Variants in PGR observed in about 807,000 individuals in gnomAD.
PGR encodes the protein progesterone receptor, also known as nuclear receptor subfamily 3 group C member 3.
A neutral mutation model predicts 76.1 loss-of-function variants in PGR; 25 were observed. The ratio of observed to expected loss-of-function variants is 0.33; its 90% confidence interval spans 0.24 to 0.46. The LOEUF is 0.46. Among genes scored for constraint, PGR ranks in the 20% least tolerant of loss-of-function variants. PGR has a pLI of 1.00. For missense variants in PGR, 1,172 were observed against 1,225.3 expected (o/e 0.96, Z 0.65); for synonymous variants, 579 against 535.0 (o/e 1.08, Z -1.14).
chr11:101,048,410 C>T (rs1191867453), intron 6 of PGR, among the ~76,000 whole-genome samples: 1 of 152,008 alleles, frequency 6.6e-6, no homozygotes, highest in Non-Finnish European at 1.5e-5. Context: ...TATGTGATTT[C>T]ATCACTGTGT....
chr11:101,041,422 C>T (rs1859690048), intron 7 of PGR, among the ~76,000 whole-genome samples: 1 of 151,918 alleles, frequency 6.6e-6, no homozygotes, highest in South Asian at 2.1e-4. Flanking sequence ...TTTCTTTTTT[C>T]CCCCTCTGCT....
chr11:101,093,902 G>A (rs1399306167), intron 2 of PGR, among the ~76,000 whole-genome samples: 3 of 152,206 alleles, frequency 2.0e-5, no homozygotes, highest in African/African-American at 7.2e-5. Context: ...CTGGCATGCT[G>A]CTGATCTGTC....
Position 101,030,282 on chromosome 11 carries a change from A to G in PGR, c.*8834T>C, listed in dbSNP as rs1859308649. 1 of 224,602 alleles carries G rather than the reference A, an allele frequency of 4.5e-6. No individual in the cohort carries two copies. Among genetic ancestry groups the G allele is most frequent in the East Asian group, 6.5e-5 (1 of 15,368 alleles). 13.9% of individuals were successfully genotyped at this position (224,602 alleles called of 1,614,324 possible). Reference sequence around the variant, plus strand: ...AACTTTGAAGATTGCATCAACTTCAACACAAAAAAATGTGAATATCTACCA... The same window carrying G: ...AACTTTGAAGATTGCATCAACTTCAGCACAAAAAAATGTGAATATCTACCA... On this transcript the variant is annotated 3_prime_UTR_variant, in exon 8 of 8. Transcript: ENST00000325455.
At chr11:101,056,267 G>T (rs917470192) in intron 4 of PGR, among the ~76,000 whole-genome samples, 1 of 151,594 alleles carries the variant, frequency 6.6e-6, no homozygotes, top group African/African-American at 2.4e-5. Context: ...TAAGTGACTT[G>T]ACCTGATAAT....
In PGR at chr11:101,030,268, T is replaced by C. The variant is rs376456462; in HGVS notation, c.*8848A>G. ...GCAACGGGGTAGATAACTTTGAAGA[T>C]TGCATCAACTTCAACACAAAAAAAT... On this transcript the variant is annotated 3_prime_UTR_variant, in exon 8 of 8. Transcript: ENST00000325455. The C allele has an allele frequency of 1.8e-3, 395 of 223,794 alleles. 1 individual carries two copies. Among genetic ancestry groups the C allele is most frequent in the African/African-American group, 8.0e-3 (361 of 44,920 alleles). The allele number at this position is 223,794 out of a possible 1,614,324, so 13.9% of individuals were successfully genotyped here.
intron 4 of PGR, among the ~76,000 whole-genome samples, chr11:101,055,441 A>G (rs1480049577): frequency 6.8e-5 from 9 of 132,720 alleles, no homozygotes; most frequent in African/African-American, 1.6e-4. Context: ...AAAAAAAAAA[A>G]AAGGCTCATA....
At chr11:101,122,723 CT>C (rs1862717665) in intron 2 of PGR, among the ~76,000 whole-genome samples, 1 of 152,104 alleles carries the variant, frequency 6.6e-6, no homozygotes, top group South Asian at 2.1e-4. Context: ...TTCTTTATCT[CT>C]TCTCTCTTCT....
intron 2 of PGR, among the ~76,000 whole-genome samples, chr11:101,113,747 A>C (rs1437183217): frequency 2.0e-5 from 3 of 152,216 alleles, no homozygotes; most frequent in Non-Finnish European, 2.9e-5. Flanking sequence ...GTTTGCTATC[A>C]GGCACTACCA....
chr11:101,127,761 G>C lies in PGR; in HGVS notation c.1310C>G (p.Ala437Gly), dbSNP rs1862912873. 6.4e-7 allele frequency: 1 copy of C among 1,560,016 alleles called. No homozygotes were observed. Among genetic ancestry groups the C allele is most frequent in the Non-Finnish European group, 8.6e-7 (1 of 1,161,380 alleles). Residue 437 changes from alanine to glycine, a missense_variant, in exon 1 of 8, where the codon GCG becomes GGG. Physicochemically the swap from Ala to Gly is moderately conservative, Grantham distance 60. This residue lies in a region of PGR where 893 missense variants were observed against 785.9 expected (regional missense o/e 1.14). Coordinates refer to ENST00000325455, the MANE Select transcript of PGR (RefSeq NM_000926.4). ...ACTGGCGGGTGCGGCCGTCACCGCC[G>C]CTTCCCCGGGTCTGGATGGGGTCGC... ...PRATPSRPGE[A>G]AVTAAPASAS...
Position 101,037,164 on chromosome 11 carries a change from T to C in PGR, c.*1952A>G, listed in dbSNP as rs913383071. 3 of 206,932 alleles carry C rather than the reference T, an allele frequency of 1.4e-5. No homozygotes were observed. Among genetic ancestry groups the C allele is most frequent in the Non-Finnish European group, 3.0e-5 (3 of 101,350 alleles). The allele number at this position is 206,932 out of a possible 1,614,324, so 12.8% of individuals were successfully genotyped here. ...TTCAATAAGATTTAATGCAAATGAATTACTGACACATAAAGGTGTTATTTA... is the reference window on the plus strand; with the variant it reads ...TTCAATAAGATTTAATGCAAATGAACTACTGACACATAAAGGTGTTATTTA... On this transcript the variant is annotated 3_prime_UTR_variant, in exon 8 of 8. Coordinates refer to ENST00000325455, the MANE Select transcript of PGR (RefSeq NM_000926.4).
intron 7 of PGR, among the ~76,000 whole-genome samples, chr11:101,039,559 GT>G (rs11571267): frequency 0.27 from 40,272 of 151,024 alleles, 5,570 homozygotes; most frequent in African/African-American, 0.34. Context: ...TATTACTCAA[GT>G]TTTTTTTTCT....
intron 2 of PGR, among the ~76,000 whole-genome samples, chr11:101,117,530 A>G (rs560384370): frequency 2.7e-4 from 41 of 152,186 alleles, no homozygotes; most frequent in Non-Finnish European, 5.7e-4. Flanking sequence ...TGGATTTTAT[A>G]TCAAATTTAG....
At chr11:101,040,508 T>C (rs183508332) in intron 7 of PGR, among the ~76,000 whole-genome samples, 2 of 152,226 alleles carry the variant, frequency 1.3e-5, no homozygotes, top group African/African-American at 4.8e-5. Context: ...TGTACTTGTT[T>C]GATGGTTTGG....
chr11:101,119,541 CA>C (rs1862610051), intron 2 of PGR, among the ~76,000 whole-genome samples: 1 of 152,124 alleles, frequency 6.6e-6, no homozygotes, highest in Non-Finnish European at 1.5e-5. Flanking sequence ...AAGATACCAG[CA>C]AATAGAGCCA....
intron 2 of PGR, among the ~76,000 whole-genome samples, chr11:101,093,938 C>G (rs188220581): frequency 6.6e-6 from 1 of 152,184 alleles, no homozygotes; most frequent in African/African-American, 2.4e-5. Context: ...AAATGGCCTA[C>G]GATATCATCT....
chr11:101,040,638 C>T (rs11571262), intron 7 of PGR, among the ~76,000 whole-genome samples: 3,135 of 152,104 alleles, frequency 0.021, 83 homozygotes, highest in African/African-American at 0.057. Context: ...ATCCTGATAA[C>T]GTCTATGTGA....
chr11:101,086,297 C>T (rs1861498516), intron 3 of PGR, among the ~76,000 whole-genome samples: 1 of 151,540 alleles, frequency 6.6e-6, no homozygotes, highest in Non-Finnish European at 1.5e-5. Context: ...ATATGCAAAT[C>T]AATAAATATG....
At chr11:101,099,218 CATT>C (rs1861924995) in intron 2 of PGR, among the ~76,000 whole-genome samples, 1 of 152,176 alleles carries the variant, frequency 6.6e-6, no homozygotes, top group Non-Finnish European at 1.5e-5. Context: ...TTATTCAATG[CATT>C]ATTATACAGC....
At chr11:101,115,059 T>C (rs1353403148) in intron 2 of PGR, among the ~76,000 whole-genome samples, 1 of 152,144 alleles carries the variant, frequency 6.6e-6, no homozygotes, top group Middle Eastern at 3.2e-3. Context: ...AAGGGGTCAC[T>C]GATCTCTTTC....
Sources: allele counts gnomAD v4.1 joint callset (sites outside exome capture counted in the v4.1 genomes callset), GRCh38; gene constraint gnomAD v4.1.1; regional missense constraint gnomAD v4.1.1; transcripts MANE v1.5; gene names NCBI Gene and HGNC (gene_info 2026-07-23, HGNC 2026-07-21).